Variants in FAM184B observed in about 807,000 individuals in gnomAD.
The protein encoded by FAM184B is family with sequence similarity 184 member B, also known as protein FAM184B.
In FAM184B, 111 loss-of-function variants were observed where a neutral mutation model predicts 135.9. The ratio of observed to expected loss-of-function variants is 0.82; its 90% confidence interval spans 0.70 to 0.96. The LOEUF (loss-of-function observed/expected upper bound fraction) is 0.96. Among genes scored for constraint, FAM184B ranks in the 40% least tolerant of loss-of-function variants. The pLI, the probability that FAM184B is intolerant of heterozygous loss-of-function variation, is 0.00. For missense variants in FAM184B, 1,375 were observed against 1,323.9 expected (o/e 1.04, Z -0.60); for synonymous variants, 552 against 524.8 (o/e 1.05, Z -0.71).
intron 1 of FAM184B, among the ~76,000 whole-genome samples, chr4:17,756,608 T>G (rs1052903649): frequency 2.6e-5 from 4 of 152,176 alleles, no homozygotes; most frequent in Non-Finnish European, 5.9e-5. Flanking sequence ...GAAGTTTCTC[T>G]TGATAGAAGT....
At chr4:17,759,912 G>A (rs543112933) in intron 1 of FAM184B, among the ~76,000 whole-genome samples, 8 of 152,182 alleles carry the variant, frequency 5.3e-5, no homozygotes, top group Admixed American at 2.0e-4. Flanking sequence ...GGTGGGTACC[G>A]GTTTCAATAG....
At chr4:17,653,908 A>G (rs1394183504) in intron 10 of FAM184B, among the ~76,000 whole-genome samples, 2 of 34,878 alleles carry the variant, frequency 5.7e-5, no homozygotes, top group Non-Finnish European at 1.1e-4. Context: ...TGGTGGAAGC[A>G]GAGGTCAGAG....
chr4:17,705,062 GCTT>G lies in FAM184B; in HGVS notation c.1312_1314del (p.Lys438del). Reference sequence around the variant, plus strand: ...CGAACGGATTTGATTTCCACGGTGTGCTTCTTTACCAAGTCTTCTAGTCGCTTC... The same window carrying G: ...CGAACGGATTTGATTTCCACGGTGTGCTTTACCAAGTCTTCTAGTCGCTTC... On this transcript the variant is annotated inframe_deletion, in exon 5 of 18. Coordinates refer to ENST00000265018, the MANE Select transcript of FAM184B (RefSeq NM_015688.2). 1 of 1,551,736 alleles carries G rather than the reference GCTT, an allele frequency of 6.4e-7. No homozygotes were observed. The highest frequency in any genetic ancestry group is 1.2e-5 in the South Asian group (1 of 84,062).
intron 1 of FAM184B, among the ~76,000 whole-genome samples, chr4:17,750,477 A>G (rs1718268201): frequency 6.6e-6 from 1 of 152,196 alleles, no homozygotes; most frequent in Non-Finnish European, 1.5e-5. Flanking sequence ...ATTTTAATGC[A>G]GGGTTTCACT....
At chr4:17,639,207 G>A in intron 14 of FAM184B, 43 bp downstream of exon 14, 1 of 1,543,158 alleles carries the variant, frequency 6.5e-7, no homozygotes, top group African/African-American at 1.4e-5. Context: ...CTACTGAATG[G>A]TACATTTGCA....
chr4:17,709,139 C>G lies in FAM184B; in HGVS notation c.647G>C (p.Arg216Pro). Residue 216 changes from arginine (R) to proline (P), a missense_variant, in exon 2 of 18, where the codon CGC (arginine) becomes CCC (proline). Physicochemically the swap from Arg to Pro is moderately radical, Grantham distance 103 (BLOSUM62 -2). Coordinates refer to ENST00000265018, the MANE Select transcript of FAM184B (RefSeq NM_015688.2). ...ENQQLSKDYA[R>P]KAEELQATYE... ...GGTGGCCTGCAGCTCCTCGGCCTTG[C>G]GGGCGTAGTCCTTGCTCAGCTGCTG... is the stretch of plus-strand genomic sequence containing the variant. 2 of 1,548,370 alleles carry G rather than the reference C, an allele frequency of 1.3e-6. No individual in the cohort carries two copies. Among genetic ancestry groups the G allele is most frequent in the Non-Finnish European group, 1.7e-6 (2 of 1,146,966 alleles).
chr4:17,746,746 G>A (rs541233175), intron 1 of FAM184B, among the ~76,000 whole-genome samples: 5,016 of 140,580 alleles, frequency 0.036, 300 homozygotes, highest in African/African-American at 0.13. Context: ...AAAAAAAAAA[G>A]TAGATTCCTG....
At chr4:17,680,724 C>T (rs1042741289) in intron 7 of FAM184B, among the ~76,000 whole-genome samples, 3 of 152,146 alleles carry the variant, frequency 2.0e-5, no homozygotes, top group African/African-American at 7.2e-5. Context: ...TTCTCCTTTC[C>T]AAACCATCTA....
chr4:17,776,411 G>C (rs60776080), intron 1 of FAM184B, among the ~76,000 whole-genome samples: 1 of 151,824 alleles, frequency 6.6e-6, no homozygotes, highest in African/African-American at 2.4e-5. Context: ...TTTTTGGAAT[G>C]GAGTTTCACT....
intron 1 of FAM184B, among the ~76,000 whole-genome samples, chr4:17,723,738 G>GAGCA (rs1717582556): frequency 6.6e-6 from 1 of 152,168 alleles, no homozygotes; most frequent in Admixed American, 6.5e-5. Flanking sequence ...GCAGGACACG[G>GAGCA]AGCAAGCTCA....
chr4:17,760,878 G>A (rs115763741), intron 1 of FAM184B, among the ~76,000 whole-genome samples: 2,640 of 152,270 alleles, frequency 0.017, 74 homozygotes, highest in African/African-American at 0.061. Flanking sequence ...TCGTGCTGTA[G>A]AGAACTGAAG....
intron 12 of FAM184B, among the ~76,000 whole-genome samples, chr4:17,646,397 C>A (rs980278183): frequency 1.7e-4 from 26 of 151,972 alleles, no homozygotes; most frequent in Non-Finnish European, 2.9e-4. Context: ...TACTATGCAG[C>A]CATAAAAAAG....
chr4:17,664,682 A>T (rs1166535018), intron 7 of FAM184B, 23 bp from the exon 8 acceptor site: 3 of 1,303,804 alleles, frequency 2.3e-6, no homozygotes, highest in African/African-American at 2.2e-5. Context: ...AAGAAAAAGA[A>T]AAAAAAAAAA....
At chr4:17,706,395 C>T (rs1177387111) in intron 3 of FAM184B, among the ~76,000 whole-genome samples, 6 of 152,102 alleles carry the variant, frequency 3.9e-5, no homozygotes, top group Non-Finnish European at 5.9e-5. Flanking sequence ...TTCCCATGCA[C>T]GTTATTCGTC....
chr4:17,757,533 A>G (rs546791233), intron 1 of FAM184B, among the ~76,000 whole-genome samples: 13 of 152,286 alleles, frequency 8.5e-5, no homozygotes, highest in African/African-American at 2.9e-4. Flanking sequence ...AATGTTATAA[A>G]AAAGAATGCT....
chr4:17,638,137 T>C (rs1715201692), intron 14 of FAM184B, among the ~76,000 whole-genome samples: 7 of 13,384 alleles, frequency 5.2e-4, no homozygotes, highest in African/African-American at 3.4e-3. Context: ...CTGTTTGCTT[T>C]TTTTTTTTTT....
chr4:17,723,893 G>A (rs149825791), intron 1 of FAM184B, among the ~76,000 whole-genome samples: 16 of 152,170 alleles, frequency 1.1e-4, no homozygotes, highest in South Asian at 1.0e-3. Context: ...TCTTTTGTTC[G>A]TGCCCTGTGG....
At chr4:17,697,371 T>A (rs1716887296) in intron 5 of FAM184B, among the ~76,000 whole-genome samples, 1 of 151,826 alleles carries the variant, frequency 6.6e-6, no homozygotes, top group Admixed American at 6.6e-5. Context: ...GGGAGGCCCT[T>A]AGCATTTTTC....
At position 17,705,056 on chromosome 4, in the gene FAM184B, C is replaced by T. The variant is rs369981718; in HGVS notation, c.1321G>A (p.Val441Met). The T allele has an allele frequency of 2.6e-5, 40 of 1,551,598 alleles. No homozygotes were observed. Among genetic ancestry groups the T allele is most frequent in the South Asian group, 2.0e-4 (17 of 84,062 alleles). Residue 441 changes from valine (V) to methionine (M), a missense_variant, in exon 5 of 18, where the codon GTG becomes ATG. Coordinates refer to ENST00000265018, the MANE Select transcript of FAM184B (RefSeq NM_015688.2). ...GACGAGCGAACGGATTTGATTTCCA[C>T]GGTGTGCTTCTTTACCAAGTCTTCT... ...RLEDLVKKHT[V>M]EIKSVRSSVE...
Sources: allele counts gnomAD v4.1 joint callset (sites outside exome capture counted in the v4.1 genomes callset), GRCh38; gene constraint gnomAD v4.1.1; transcripts MANE v1.5; gene names NCBI Gene and HGNC (gene_info 2026-07-23, HGNC 2026-07-21).